The following NRXN1 variants were observed in gnomAD, a reference collection of about 807,000 sequenced individuals.
NRXN1 encodes neurexin 1.
Under a neutral mutation model 150.9 loss-of-function variants are expected in NRXN1, and 39 were observed. That is an observed-to-expected ratio of 0.26 (90% CI 0.20 to 0.34). The LOEUF is 0.34. NRXN1 is among the 10% of genes least tolerant of loss of function. The pLI is 1.00. For synonymous variants in NRXN1, 924 were observed against 757.0 expected (o/e 1.22, Z -3.62); for missense variants, 1,815 against 1,949.9 (o/e 0.93, Z 1.30).
intron 17 of NRXN1, among the ~76,000 whole-genome samples, chr2:50,341,453 A>G (rs1275111207): frequency 6.6e-6 from 1 of 151,932 alleles, no homozygotes; most frequent in Non-Finnish European, 1.5e-5. Context: ...TTTCAAATTC[A>G]TGGTCTCATT....
intron 2 of NRXN1, among the ~76,000 whole-genome samples, chr2:50,961,460 A>G (rs547830992): frequency 2.0e-5 from 3 of 151,978 alleles, no homozygotes; most frequent in Non-Finnish European, 2.9e-5. Context: ...GACCAAGGCT[A>G]TAGATGTTGA....
At chr2:50,896,415 G>GGAAAC (rs1332214674) in intron 5 of NRXN1, among the ~76,000 whole-genome samples, 1 of 152,040 alleles carries the variant, frequency 6.6e-6, no homozygotes, top group Non-Finnish European at 1.5e-5. Context: ...AGACAAACAA[G>GGAAAC]GAAACAATCA....
At chr2:50,166,137 C>G (rs1440946497) in intron 18 of NRXN1, among the ~76,000 whole-genome samples, 1 of 152,104 alleles carries the variant, frequency 6.6e-6, no homozygotes, top group Non-Finnish European at 1.5e-5. Context: ...AAGAAATGCT[C>G]ATTGAAACAT....
At chr2:50,236,278 A>T (rs939311070) in intron 18 of NRXN1, among the ~76,000 whole-genome samples, 1 of 152,108 alleles carries the variant, frequency 6.6e-6, no homozygotes, top group Non-Finnish European at 1.5e-5. Context: ...AATGGCACAG[A>T]AACAATCTTT....
chr2:50,914,203 A>G (rs1365504808), intron 5 of NRXN1, among the ~76,000 whole-genome samples: 4 of 151,534 alleles, frequency 2.6e-5, no homozygotes, highest in African/African-American at 9.7e-5. Flanking sequence ...TTGGACATAC[A>G]ATAATGTATC....
intron 18 of NRXN1, among the ~76,000 whole-genome samples, chr2:50,160,397 T>G (rs1282514503): frequency 6.6e-6 from 1 of 151,866 alleles, no homozygotes; most frequent in African/African-American, 2.4e-5. Context: ...AAAAATTAGC[T>G]GGGCATGGTG....
chr2:50,104,099 A>C (rs1024272490), intron 18 of NRXN1, among the ~76,000 whole-genome samples: 9 of 152,016 alleles, frequency 5.9e-5, no homozygotes, highest in African/African-American at 2.2e-4. Context: ...AATAAGGGAT[A>C]GTGTTTGTGA....
At chr2:50,610,052 G>GA (rs1345546725) in intron 8 of NRXN1, among the ~76,000 whole-genome samples, 143 of 151,752 alleles carry the variant, frequency 9.4e-4, no homozygotes, top group African/African-American at 3.4e-3. Context: ...ATTTTCCTGG[G>GA]GAAAAAAAGA....
At chr2:50,608,961 T>A (rs1677583792) in intron 8 of NRXN1, among the ~76,000 whole-genome samples, 6 of 152,120 alleles carry the variant, frequency 3.9e-5, no homozygotes, top group Admixed American at 3.3e-4. Flanking sequence ...TAAAAAAAAA[T>A]CCAGTTTCTT....
At chr2:50,091,261 G>T (rs1699513347) in intron 19 of NRXN1, 62 bp downstream of exon 19, 2 of 1,576,208 alleles carry the variant, frequency 1.3e-6, no homozygotes, top group African/African-American at 2.7e-5. Context: ...ATGCAAAACA[G>T]TGCTTTTTCT....
chr2:50,658,453 G>A (rs906670503), intron 5 of NRXN1, among the ~76,000 whole-genome samples: 1 of 56,490 alleles, frequency 1.8e-5, no homozygotes, highest in Non-Finnish European at 3.3e-5. Context: ...AGGCAGGGGA[G>A]CAATTACATA....
chr2:50,732,843 G>T (rs996173693), intron 5 of NRXN1, among the ~76,000 whole-genome samples: 2 of 152,042 alleles, frequency 1.3e-5, no homozygotes, highest in Non-Finnish European at 1.5e-5. Context: ...ATTAAACTAA[G>T]AAATAGAGGC....
intron 8 of NRXN1, among the ~76,000 whole-genome samples, chr2:50,612,532 G>A (rs540482131): frequency 6.6e-6 from 1 of 152,136 alleles, no homozygotes; most frequent in Non-Finnish European, 1.5e-5. Context: ...TAACTCACTG[G>A]ATGTTGTTGA....
intron 17 of NRXN1, among the ~76,000 whole-genome samples, chr2:50,240,892 C>T (rs1471590687): frequency 6.6e-6 from 1 of 151,524 alleles, no homozygotes; most frequent in Non-Finnish European, 1.5e-5. Flanking sequence ...GTTGTGTGTG[C>T]TGTAAAAATA....
chr2:50,665,361 G>C (rs1687876143), intron 5 of NRXN1, among the ~76,000 whole-genome samples: 1 of 151,902 alleles, frequency 6.6e-6, no homozygotes, highest in South Asian at 2.1e-4. Context: ...ATTTTAAACA[G>C]ATAAATGCCA....
intron 2 of NRXN1, among the ~76,000 whole-genome samples, chr2:50,988,735 CACAG>C (rs1356418197): frequency 6.6e-6 from 1 of 151,908 alleles, no homozygotes; most frequent in Admixed American, 6.6e-5. Context: ...ATGCAGAGAA[CACAG>C]GCGTTAGCAG....
intron 21 of NRXN1, among the ~76,000 whole-genome samples, chr2:49,976,780 A>G (rs1679070922): frequency 6.6e-6 from 1 of 152,222 alleles, no homozygotes; most frequent in South Asian, 2.1e-4. Flanking sequence ...TACAATTTAG[A>G]GTGACGATTA....
intron 19 of NRXN1, among the ~76,000 whole-genome samples, chr2:50,085,265 C>T (rs939858469): frequency 4.6e-5 from 7 of 152,154 alleles, no homozygotes; most frequent in African/African-American, 1.7e-4. Flanking sequence ...ATTTATTCAA[C>T]AACTATTTAT....
chr2:50,353,309 A>G (rs1372253005), intron 17 of NRXN1, among the ~76,000 whole-genome samples: 2 of 152,138 alleles, frequency 1.3e-5, no homozygotes, highest in East Asian at 3.9e-4. Context: ...GCATCACAGG[A>G]GCACCAACCA....
Sources: allele counts gnomAD v4.1 joint callset (sites outside exome capture counted in the v4.1 genomes callset), GRCh38; gene constraint gnomAD v4.1.1; transcripts MANE v1.5; gene names NCBI Gene and HGNC (gene_info 2026-07-23, HGNC 2026-07-21).